ANKRD18A: variants seen among roughly 807,000 people sequenced by gnomAD.
ANKRD18A encodes the protein ankyrin repeat domain-containing protein 18A.
ANKRD18A carries 72 observed loss-of-function variants against 110.6 expected under a neutral mutation model. The observed-to-expected ratio is 0.65, with a 90% CI of 0.54 to 0.79. ANKRD18A has a LOEUF of 0.79. ANKRD18A is among the 30% of genes least tolerant of loss of function. The pLI is 0.00. For missense variants in ANKRD18A, 934 were observed against 1,163.3 expected, an observed-to-expected ratio of 0.80 and a Z score of 2.87; for synonymous variants, 305 against 410.3, an observed-to-expected ratio of 0.74 and a Z score of 3.10.
Position 38,620,210 on chromosome 9 carries a change from G to A in ANKRD18A, c.76C>T (p.Pro26Ser), listed in dbSNP as rs1277888855. ...LSSMDQEYAG[P>S]GYDIRDWELR... ...TCCCAGTCCCGAATGTCGTAACCCG[G>A]ACCCGCATACTCTTGGTCCATGGAG... The change falls in exon 1 of 16, where the codon CCG becomes TCG. Residue 26 changes from proline to serine, a missense_variant. By Grantham distance (74) the Pro-to-Ser change is moderately conservative (BLOSUM62 -1). Coordinates refer to ENST00000399703, the MANE Select transcript of ANKRD18A (RefSeq NM_147195.4). 6.4e-7 allele frequency: 1 copy of A among 1,552,490 alleles called. No individual in the cohort carries two copies. The highest frequency in any genetic ancestry group is 2.0e-5 in the Admixed American group (1 of 51,038).
chr9:38,596,807 G>A (rs2996348), intron 8 of ANKRD18A, among the ~76,000 whole-genome samples: 4 of 152,020 alleles, frequency 2.6e-5, no homozygotes, highest in Non-Finnish European at 5.9e-5. Flanking sequence ...CCTTTACCTC[G>A]ACATCTATTT....
rs192342601 is a variant in ANKRD18A at position 38,612,488 on chromosome 9, G to A, written c.496-1167C>T. Among the ~76,000 whole-genome samples the A allele has an allele frequency of 5.3e-4, 80 of 149,994 alleles. 1 individual carries two copies. The highest frequency in any genetic ancestry group is 3.5e-3 in the Middle Eastern group (1 of 284). ...ATAGGGCTTGTTTCTAGCATAATAAGAGCCAATAAGTCACTTGCATTTTTT... is the reference window on the plus strand; with the variant it reads ...ATAGGGCTTGTTTCTAGCATAATAAAAGCCAATAAGTCACTTGCATTTTTT... On this transcript the variant is annotated intron_variant, in intron 3 of 15. Transcript: ENST00000399703.
chr9:38,570,956 C>T (rs1431207866), downstream of ANKRD18A, among the ~76,000 whole-genome samples: 1 of 152,236 alleles, frequency 6.6e-6, no homozygotes, highest in Non-Finnish European at 1.5e-5. Context: ...GCAGACAAGA[C>T]ATCCTGTGCT....
chr9:38,579,769 GCT>G (rs1824073192), intron 12 of ANKRD18A, among the ~76,000 whole-genome samples: 1 of 152,054 alleles, frequency 6.6e-6, no homozygotes, highest in Non-Finnish European at 1.5e-5. Flanking sequence ...ACAACATGAG[GCT>G]TTCTCAAAAA....
chr9:38,587,011 C>G (rs1222062983), intron 11 of ANKRD18A, among the ~76,000 whole-genome samples: 1 of 150,940 alleles, frequency 6.6e-6, no homozygotes, highest in Non-Finnish European at 1.5e-5. Context: ...GAAAAAGACA[C>G]AAAAATACAT....
intron 3 of ANKRD18A, among the ~76,000 whole-genome samples, chr9:38,614,176 T>C (rs989397255): frequency 8.6e-5 from 13 of 151,544 alleles, no homozygotes; most frequent in African/African-American, 2.7e-4. Flanking sequence ...CCTGCACTTA[T>C]CTATTCTGTG....
At chr9:38,611,345 A>G (rs1825613458) in intron 3 of ANKRD18A, 24 bp from the exon 4 acceptor site, 2 of 1,506,602 alleles carry the variant, frequency 1.3e-6, no homozygotes, top group Non-Finnish European at 1.8e-6. Context: ...AAAACAATTT[A>G]TAATTCACAA....
chr9:38,603,127 A>G (rs1825199279), intron 7 of ANKRD18A, 32 bp downstream of exon 7: 7 of 1,517,340 alleles, frequency 4.6e-6, no homozygotes, highest in East Asian at 2.5e-5. Context: ...GTCTCTTTAC[A>G]TGGTTAGGAG....
chr9:38,603,898 C>A (rs1169249989), intron 6 of ANKRD18A, among the ~76,000 whole-genome samples: 1 of 152,220 alleles, frequency 6.6e-6, no homozygotes, highest in Non-Finnish European at 1.5e-5. Flanking sequence ...CAATACCCCT[C>A]CTCATCTTCA....
At position 38,575,575 on chromosome 9, in the gene ANKRD18A, A is replaced by G. The variant is rs1233208515; in HGVS notation, c.2865T>C (p.Asn955=). The G allele has an allele frequency of 2.6e-6, 4 of 1,551,450 alleles. No homozygotes were observed. The highest frequency in any genetic ancestry group is 2.7e-5 in the African/African-American group (2 of 73,040). Residue 955 remains asparagine (N), a synonymous_variant, in exon 15 of 16, where the codon AAT becomes AAC. Coordinates refer to ENST00000399703, the MANE Select transcript of ANKRD18A (RefSeq NM_147195.4). ...TATATTTTCTGTTGAGTTCTATACT[A>G]TTAAGATTTTCAACACAAGGTAACT... The part of the protein sequence containing the change: ...EPELPCVENL[N]SIELNRKYIP...
At chr9:38,609,595 C>T (rs1370760994) in intron 5 of ANKRD18A, among the ~76,000 whole-genome samples, 2 of 152,006 alleles carry the variant, frequency 1.3e-5, no homozygotes, top group Admixed American at 6.6e-5. Flanking sequence ...AAAAGTCAAT[C>T]ATTACCAGAT....
downstream of ANKRD18A, chr9:38,571,102 C>T (rs1483117030): frequency 6.6e-7 from 1 of 1,521,046 alleles, no homozygotes; most frequent in Non-Finnish European, 8.8e-7. Context: ...CTAGAAGGCC[C>T]TTTGCTAGTT....
At chr9:38,597,604 T>G (rs1824943938) in intron 8 of ANKRD18A, among the ~76,000 whole-genome samples, 1 of 152,140 alleles carries the variant, frequency 6.6e-6, no homozygotes, top group Non-Finnish European at 1.5e-5. Context: ...AAGATACAAT[T>G]ACATATTGCT....
In ANKRD18A at chr9:38,586,539, G is replaced by A. The variant is rs187366896; in HGVS notation, c.2118-227C>T. ...ATATATAGCAGGTAAAGTGATAATA[G>A]CCATACAGTTTTTGGTTTTTTTTTT... On this transcript the variant is annotated intron_variant, in intron 11 of 15. Coordinates refer to ENST00000399703, the MANE Select transcript of ANKRD18A (RefSeq NM_147195.4). Among the ~76,000 whole-genome samples, 251 of 151,846 alleles carry A rather than the reference G, an allele frequency of 1.7e-3. 2 individuals are homozygous for A. Among genetic ancestry groups the A allele is most frequent in the African/African-American group, 5.5e-3 (227 of 41,402 alleles).
intron 11 of ANKRD18A, among the ~76,000 whole-genome samples, chr9:38,586,744 T>C (rs1469271744): frequency 1.3e-5 from 2 of 152,110 alleles, no homozygotes; most frequent in African/African-American, 4.8e-5. Flanking sequence ...TTTGTATTTT[T>C]AGTAGAGATG....
chr9:38,573,140 T>C, intron 15 of ANKRD18A: 1 of 1,188,128 alleles, frequency 8.4e-7, no homozygotes, highest in South Asian at 2.8e-5. Context: ...CTAAAATAAG[T>C]AAATAATAAT....
chr9:38,601,991 GAAA>G (rs66982362), intron 7 of ANKRD18A, among the ~76,000 whole-genome samples: 3 of 79,670 alleles, frequency 3.8e-5, no homozygotes, highest in Admixed American at 2.9e-4. Flanking sequence ...TCCAAAAACA[GAAA>G]AAAAAAAAAA....
chr9:38,586,626 G>A (rs1011070769), intron 11 of ANKRD18A, among the ~76,000 whole-genome samples: 12 of 151,954 alleles, frequency 7.9e-5, no homozygotes, highest in African/African-American at 1.7e-4. Context: ...GTGTGATGGC[G>A]TGATCACGGC....
At chr9:38,603,268 C>T (rs564090622) in intron 6 of ANKRD18A, 56 bp from the exon 7 acceptor site, 1 of 1,548,054 alleles carries the variant, frequency 6.5e-7, no homozygotes, top group African/African-American at 1.4e-5. Flanking sequence ...ATCCCTCTGC[C>T]TCCTTACCTG....
Sources: allele counts gnomAD v4.1 joint callset (sites outside exome capture counted in the v4.1 genomes callset), GRCh38; gene constraint gnomAD v4.1.1; transcripts MANE v1.5; gene names NCBI Gene and HGNC (gene_info 2026-07-23, HGNC 2026-07-21).